ASTN2: variants seen among roughly 807,000 people sequenced by gnomAD.
The protein encoded by ASTN2 is astrotactin 2, also known as astrotactin-2.
A neutral mutation model predicts 139.8 loss-of-function variants in ASTN2; 54 were observed. That is an observed-to-expected ratio of 0.39 (90% confidence interval 0.31 to 0.48). The LOEUF is 0.48. Ranked by LOEUF, ASTN2 falls within the 20% of genes least tolerant of loss-of-function variation. ASTN2 has a pLI of 0.95. For synonymous variants in ASTN2, 756 were observed against 719.5 expected (o/e 1.05, Z -0.81); for missense variants, 1,565 against 1,725.1 (o/e 0.91, Z 1.64).
chr9:116,927,178 C>G (rs562854807), intron 10 of ASTN2, among the ~76,000 whole-genome samples: 61 of 152,146 alleles, frequency 4.0e-4, no homozygotes, highest in Non-Finnish European at 1.6e-4. Context: ...ATCTCTGTTG[C>G]CTTCCATCCA....
intron 7 of ASTN2, among the ~76,000 whole-genome samples, chr9:117,001,114 G>A (rs55884453): frequency 0.058 from 8,791 of 152,206 alleles, 405 homozygotes; most frequent in African/African-American, 0.13. Flanking sequence ...TTCAGCTGTA[G>A]CATCTTCTCC....
At chr9:116,791,645 A>C (rs927529746) in intron 13 of ASTN2, among the ~76,000 whole-genome samples, 2 of 152,244 alleles carry the variant, frequency 1.3e-5, no homozygotes, top group Admixed American at 1.3e-4. Context: ...AATTACAATT[A>C]CTGTGCTAAT....
intron 19 of ASTN2, among the ~76,000 whole-genome samples, chr9:116,546,861 A>G (rs1852117141): frequency 1.3e-5 from 2 of 152,128 alleles, no homozygotes; most frequent in South Asian, 2.1e-4. Flanking sequence ...AGGTCATGCA[A>G]TCAATACATT....
intron 1 of ASTN2, among the ~76,000 whole-genome samples, chr9:117,329,615 G>A (rs1246271388): frequency 6.6e-6 from 1 of 152,136 alleles, no homozygotes; most frequent in South Asian, 2.1e-4. Flanking sequence ...ATGACAAAGG[G>A]GGGTGGACAT....
chr9:116,958,365 C>T (rs2132498387), intron 10 of ASTN2, among the ~76,000 whole-genome samples: 1 of 152,092 alleles, frequency 6.6e-6, no homozygotes, highest in Admixed American at 6.5e-5. Flanking sequence ...CCGAGGTGGG[C>T]AGATCACAAG....
chr9:116,777,876 G>GTCTTTC (rs61149042), intron 13 of ASTN2, among the ~76,000 whole-genome samples: 2 of 152,048 alleles, frequency 1.3e-5, no homozygotes, highest in African/African-American at 2.4e-5. Context: ...TTGACATGGA[G>GTCTTTC]TCTGTTGTCA....
chr9:116,895,232 C>T (rs1183338814), intron 10 of ASTN2, among the ~76,000 whole-genome samples: 3 of 152,196 alleles, frequency 2.0e-5, no homozygotes, highest in Non-Finnish European at 2.9e-5. Context: ...CTATTGTATA[C>T]AATTCCCTTC....
intron 7 of ASTN2, among the ~76,000 whole-genome samples, chr9:116,997,921 T>G (rs1049320690): frequency 2.6e-5 from 4 of 152,216 alleles, no homozygotes; most frequent in African/African-American, 9.6e-5. Context: ...ATTTGGCTGT[T>G]GTCTAACACT....
intron 2 of ASTN2, among the ~76,000 whole-genome samples, chr9:117,264,322 C>G (rs1450995498): frequency 6.6e-6 from 1 of 152,236 alleles, no homozygotes; most frequent in South Asian, 2.1e-4. Context: ...GAGTAAAATA[C>G]AGGATTTGTA....
intron 11 of ASTN2, among the ~76,000 whole-genome samples, chr9:116,852,078 G>A (rs1478566909): frequency 1.3e-5 from 2 of 152,246 alleles, no homozygotes; most frequent in Non-Finnish European, 2.9e-5. Context: ...CCATGATCAT[G>A]GGCCTGAAAA....
chr9:117,176,829 G>C (rs1414530983), intron 3 of ASTN2, among the ~76,000 whole-genome samples: 1 of 152,174 alleles, frequency 6.6e-6, no homozygotes, highest in Non-Finnish European at 1.5e-5. Context: ...CTACTTGAGA[G>C]ACTGAGGTAG....
chr9:117,045,974 ATG>A (rs1564399749), intron 5 of ASTN2, among the ~76,000 whole-genome samples: 2 of 134,424 alleles, frequency 1.5e-5, no homozygotes, highest in African/African-American at 2.9e-5. Context: ...GTATGTATGT[ATG>A]TATGTACGTA....
intron 10 of ASTN2, among the ~76,000 whole-genome samples, chr9:116,921,019 G>T (rs954412058): frequency 6.6e-6 from 1 of 152,172 alleles, no homozygotes; most frequent in Non-Finnish European, 1.5e-5. Flanking sequence ...CCGTTCTACA[G>T]GCTTTATAGG....
In ASTN2 at chr9:116,870,464, A is replaced by G. The variant is rs112637356; in HGVS notation, c.1890-6731T>C. On this transcript the variant is annotated intron_variant, in intron 10 of 22. Transcript: ENST00000313400. ...AATATCTGAGTACCTGCTGCATGCC[A>G]CATACTGAGCTGATTATTATTATGG... Among the ~76,000 whole-genome samples the G allele has an allele frequency of 2.5e-3, 386 of 152,328 alleles. 1 individual carries two copies. The highest frequency in any genetic ancestry group is 3.1e-3 in the Non-Finnish European group (213 of 68,034).
chr9:116,524,908 AGAG>A (rs773505271), intron 19 of ASTN2, among the ~76,000 whole-genome samples: 7 of 152,310 alleles, frequency 4.6e-5, no homozygotes, highest in South Asian at 2.1e-4. Flanking sequence ...AGAGAACTGA[AGAG>A]GAGAAGTGGA....
intron 10 of ASTN2, among the ~76,000 whole-genome samples, chr9:116,910,977 C>T (rs1834294373): frequency 1.3e-5 from 2 of 152,162 alleles, no homozygotes; most frequent in African/African-American, 2.4e-5. Flanking sequence ...TCTGCCTTAT[C>T]ACCAGAGGTA....
chr9:116,846,959 T>A (rs1207346567), intron 11 of ASTN2, among the ~76,000 whole-genome samples: 7 of 142,702 alleles, frequency 4.9e-5, no homozygotes, highest in Non-Finnish European at 7.5e-5. Context: ...CAAATGCCTA[T>A]TCAGAACCTG....
intron 20 of ASTN2, among the ~76,000 whole-genome samples, chr9:116,445,048 G>A (rs899724234): frequency 1.3e-4 from 20 of 152,202 alleles, no homozygotes; most frequent in African/African-American, 4.8e-4. Context: ...GAGGCAAGAT[G>A]CAAATGCTAG....
At chr9:116,748,146 A>AT (rs772806523) in intron 13 of ASTN2, among the ~76,000 whole-genome samples, 3 of 152,086 alleles carry the variant, frequency 2.0e-5, no homozygotes, top group Non-Finnish European at 4.4e-5. Flanking sequence ...ATTACTAGGC[A>AT]TTTTTCTGAC....
Sources: allele counts gnomAD v4.1 joint callset (sites outside exome capture counted in the v4.1 genomes callset), GRCh38; gene constraint gnomAD v4.1.1; transcripts MANE v1.5; gene names NCBI Gene and HGNC (gene_info 2026-07-23, HGNC 2026-07-21).